The following CMPK1 variants were observed in gnomAD, a reference collection of about 807,000 sequenced individuals.
CMPK1 encodes the protein UMP-CMP kinase.
In CMPK1, 10 loss-of-function variants were observed where a neutral mutation model predicts 25.7. That is an observed-to-expected ratio of 0.39 (90% CI 0.24 to 0.66). CMPK1 has a LOEUF of 0.66. Ranked by LOEUF, CMPK1 falls within the 30% of genes least tolerant of loss-of-function variation. The pLI, the probability that CMPK1 is intolerant of heterozygous loss-of-function variation, is 0.48. For synonymous variants in CMPK1, 106 were observed against 101.5 expected, an observed-to-expected ratio of 1.04 and a Z score of -0.27; for missense variants, 199 against 280.5, an observed-to-expected ratio of 0.71 and a Z score of 2.08.
intron 1 of CMPK1, among the ~76,000 whole-genome samples, chr1:47,345,692 C>T (rs1451833398): frequency 6.6e-6 from 1 of 150,924 alleles, no homozygotes; most frequent in Non-Finnish European, 1.5e-5. Context: ...CTCCTGACCT[C>T]GTGATCCCCC....
chr1:47,364,916 C>T lies in CMPK1; in HGVS notation c.172-3553C>T, dbSNP rs534806767. Among the ~76,000 whole-genome samples the T allele has an allele frequency of 7.9e-5, 12 of 152,006 alleles. No homozygotes were observed. In the East Asian group the frequency reaches 2.3e-3, roughly 29 times the overall value. ...TAGCTGGGACTACAGGTGCACATAG[C>T]CTTGCCCAGCAAATGTTTTTATTTT... On this transcript the variant is annotated intron_variant, in intron 1 of 5. Transcript: ENST00000371873.
At chr1:47,338,840 C>T (rs1036511108) in intron 1 of CMPK1, among the ~76,000 whole-genome samples, 2 of 151,668 alleles carry the variant, frequency 1.3e-5, no homozygotes, top group Admixed American at 1.3e-4. Flanking sequence ...TAAAATTAAG[C>T]TTTATTTATA....
chr1:47,363,394 G>C (rs374366382), intron 1 of CMPK1, among the ~76,000 whole-genome samples: 48 of 152,166 alleles, frequency 3.2e-4, no homozygotes, highest in Admixed American at 2.0e-4. Flanking sequence ...TTGGGAGGCC[G>C]AGGCGGGTGG....
chr1:47,355,769 G>T (rs978606087), intron 1 of CMPK1, among the ~76,000 whole-genome samples: 3 of 151,538 alleles, frequency 2.0e-5, no homozygotes, highest in Admixed American at 6.6e-5. Flanking sequence ...ACCACACCTG[G>T]CTAATTTTTG....
intron 2 of CMPK1, 121 bp from the exon 3 acceptor site, chr1:47,372,834 C>A: frequency 3.1e-5 from 17 of 555,204 alleles, no homozygotes; most frequent in Non-Finnish European, 4.8e-5. Context: ...TTGCTATGTA[C>A]CCTCCACCCT....
intron 1 of CMPK1, among the ~76,000 whole-genome samples, chr1:47,339,855 C>G (rs907224283): frequency 6.6e-6 from 1 of 151,666 alleles, no homozygotes; most frequent in East Asian, 1.9e-4. Flanking sequence ...TTACAGGCAC[C>G]CACCACAACG....
At position 47,333,891 on chromosome 1, in the gene CMPK1, C is replaced by G. The variant is rs545775823; in HGVS notation, c.-55C>G. ...TTCTCCCGCCGCCTCCCCGCCCCGC[C>G]CCGCGCCGCGCCGGCCGCTGTCAGC... On this transcript the variant is annotated 5_prime_UTR_variant, in exon 1 of 6. Coordinates refer to ENST00000371873, the MANE Select transcript of CMPK1 (RefSeq NM_016308.3). 2.4e-5 allele frequency: 28 copies of G among 1,190,676 alleles called. No individual in the cohort carries two copies. Among genetic ancestry groups the G allele is most frequent in the Non-Finnish European group, 2.9e-5 (28 of 954,196 alleles). 73.8% of individuals were successfully genotyped at this position (1,190,676 alleles called of 1,614,324 possible).
rs1557806890 is a variant in CMPK1, at chr1:47,353,342, GT to G, written c.172-15123del. ...TGTTTCTAGGCTATAAAACTGGACT[GT>G]TTTCTGTCCCCTGTAACTCTTCATG... On this transcript the variant is annotated intron_variant, in intron 1 of 5. Transcript: ENST00000371873. Among the ~76,000 whole-genome samples, 6 of 152,264 alleles carry G rather than the reference GT, an allele frequency of 3.9e-5. No homozygotes were observed. The South Asian group carries it at 1.2e-3, about 32-fold the overall frequency.
chr1:47,346,408 G>A (rs1409558046), intron 1 of CMPK1, among the ~76,000 whole-genome samples: 2 of 152,084 alleles, frequency 1.3e-5, no homozygotes, highest in Non-Finnish European at 2.9e-5. Context: ...GTATATGCCT[G>A]TTGTGTACTG....
intron 1 of CMPK1, among the ~76,000 whole-genome samples, chr1:47,351,873 C>T (rs185169803): frequency 1.3e-5 from 2 of 151,984 alleles, no homozygotes; most frequent in East Asian, 1.9e-4. Context: ...TAATGGCTTA[C>T]ACCTGTAATC....
At chr1:47,336,105 C>T (rs1261830899) in intron 1 of CMPK1, among the ~76,000 whole-genome samples, 1 of 150,656 alleles carries the variant, frequency 6.6e-6, no homozygotes, top group Non-Finnish European at 1.5e-5. Context: ...CTGCTGCACT[C>T]CAGCCTGGGC....
chr1:47,359,609 G>A (rs966981222), intron 1 of CMPK1, among the ~76,000 whole-genome samples: 5 of 151,586 alleles, frequency 3.3e-5, no homozygotes, highest in African/African-American at 9.7e-5. Flanking sequence ...GGCTGGTGTC[G>A]AACTCCTGAC....
At chr1:47,375,121 G>C (rs1407900450) in intron 4 of CMPK1, 76 bp from the exon 5 acceptor site, 1 of 1,300,258 alleles carries the variant, frequency 7.7e-7, no homozygotes, top group Non-Finnish European at 1.1e-6. Flanking sequence ...CAGATCCAGT[G>C]TTCTGTGAGC....
intron 2 of CMPK1, among the ~76,000 whole-genome samples, chr1:47,370,459 T>G (rs1040883664): frequency 3.4e-5 from 5 of 149,168 alleles, no homozygotes; most frequent in Non-Finnish European, 5.9e-5. Flanking sequence ...GCCAACATGG[T>G]GAAACCCCGT....
chr1:47,336,768 T>G (rs1447840139), intron 1 of CMPK1, among the ~76,000 whole-genome samples: 1 of 152,224 alleles, frequency 6.6e-6, no homozygotes, highest in African/African-American at 2.4e-5. Context: ...TCAAGGGATC[T>G]TACTGCCTTG....
At chr1:47,335,997 G>A (rs1646396253) in intron 1 of CMPK1, among the ~76,000 whole-genome samples, 1 of 152,076 alleles carries the variant, frequency 6.6e-6, no homozygotes, top group South Asian at 2.1e-4. Context: ...TCTTGACCTC[G>A]TGATCTGCCC....
chr1:47,342,441 G>A (rs902497682), intron 1 of CMPK1, among the ~76,000 whole-genome samples: 3 of 151,800 alleles, frequency 2.0e-5, no homozygotes, highest in South Asian at 2.1e-4. Flanking sequence ...AATCTCTTCC[G>A]GAAATACCCT....
At chr1:47,373,288 C>A in intron 3 of CMPK1, 181 bp downstream of exon 3, 1 of 430,704 alleles carries the variant, frequency 2.3e-6, no homozygotes, top group Non-Finnish European at 3.9e-6. Context: ...TTGGCATTAG[C>A]AGCCTTGTGG....
At chr1:47,345,486 A>C (rs1447109319) in intron 1 of CMPK1, among the ~76,000 whole-genome samples, 1 of 148,854 alleles carries the variant, frequency 6.7e-6, no homozygotes, top group African/African-American at 2.5e-5. Context: ...AAAAAGTAGC[A>C]ATTTAATTTC....
Sources: gnomAD v4.1 joint callset for allele counts (sites outside exome capture counted in the v4.1 genomes callset) on GRCh38, gnomAD v4.1.1 for gene constraint, MANE v1.5 for transcripts, NCBI Gene and HGNC (gene_info 2026-07-23, HGNC 2026-07-21) for gene names.